EPHA6: variants seen among roughly 807,000 people sequenced by gnomAD.
EPHA6 encodes the protein ephrin type-A receptor 6.
A neutral mutation model predicts 112.0 loss-of-function variants in EPHA6; 50 were observed. The observed-to-expected ratio is 0.45, with a 90% CI of 0.36 to 0.56. The LOEUF (loss-of-function observed/expected upper bound fraction) is 0.56. Among genes scored for constraint, EPHA6 ranks in the 20% least tolerant of loss-of-function variants. The pLI is 0.00. For missense variants in EPHA6, 1,280 were observed against 1,417.4 expected (o/e 0.90, Z 1.56); for synonymous variants, 529 against 490.7 (o/e 1.08, Z -1.03).
intron 2 of EPHA6, among the ~76,000 whole-genome samples, chr3:96,911,853 G>A (rs1559824241): frequency 6.6e-6 from 1 of 151,876 alleles, no homozygotes; most frequent in Non-Finnish European, 1.5e-5. Context: ...TTCAGTATAT[G>A]TATTTAAGTA....
At chr3:97,399,685 T>C (rs1268960525) in intron 5 of EPHA6, among the ~76,000 whole-genome samples, 1 of 151,782 alleles carries the variant, frequency 6.6e-6, no homozygotes, top group Non-Finnish European at 1.5e-5. Flanking sequence ...TGATGATTAG[T>C]GATGATGAGC....
intron 3 of EPHA6, among the ~76,000 whole-genome samples, chr3:97,051,376 T>C (rs2045680257): frequency 6.6e-6 from 1 of 152,100 alleles, no homozygotes; most frequent in Non-Finnish European, 1.5e-5. Flanking sequence ...TTGTGGTGCT[T>C]AAGACTTGAC....
chr3:97,378,159 C>A (rs902599229), intron 5 of EPHA6, among the ~76,000 whole-genome samples: 1 of 152,052 alleles, frequency 6.6e-6, no homozygotes. Flanking sequence ...GACTTGTTGC[C>A]CTGCGTCCCA....
At chr3:97,284,476 C>T (rs764077613) in intron 5 of EPHA6, among the ~76,000 whole-genome samples, 1 of 151,988 alleles carries the variant, frequency 6.6e-6, no homozygotes, top group Non-Finnish European at 1.5e-5. Flanking sequence ...CCTGTGAGTC[C>T]GAGTTTGTGT....
intron 5 of EPHA6, among the ~76,000 whole-genome samples, chr3:97,254,480 G>T (rs568793384): frequency 7.8e-4 from 119 of 152,258 alleles, no homozygotes; most frequent in Admixed American, 1.8e-3. Context: ...GAGCCATTGT[G>T]CCCGGCCTTA....
chr3:97,537,549 A>ATATT (rs1463892732), intron 11 of EPHA6, among the ~76,000 whole-genome samples: 1 of 151,908 alleles, frequency 6.6e-6, no homozygotes, highest in Non-Finnish European at 1.5e-5. Flanking sequence ...CATTCAGCAA[A>ATATT]TATTTATTTA....
chr3:97,664,157 C>T (rs1208266640), intron 14 of EPHA6, among the ~76,000 whole-genome samples: 2 of 152,066 alleles, frequency 1.3e-5, no homozygotes, highest in Non-Finnish European at 2.9e-5. Context: ...CTGTTCATAT[C>T]CTTTGCCCAC....
chr3:97,335,975 A>T (rs537900531), intron 5 of EPHA6, among the ~76,000 whole-genome samples: 1 of 152,098 alleles, frequency 6.6e-6, no homozygotes, highest in Non-Finnish European at 1.5e-5. Context: ...CAGTTTATCA[A>T]TCTGGGTGGT....
At chr3:96,885,171 C>A (rs770574933) in intron 2 of EPHA6, among the ~76,000 whole-genome samples, 1 of 151,968 alleles carries the variant, frequency 6.6e-6, no homozygotes, top group Non-Finnish European at 1.5e-5. Flanking sequence ...TCAAGGATAT[C>A]GGTCTGTAGT....
chr3:97,568,613 A>C (rs1226717114), intron 11 of EPHA6, among the ~76,000 whole-genome samples: 1 of 152,170 alleles, frequency 6.6e-6, no homozygotes, highest in Non-Finnish European at 1.5e-5. Flanking sequence ...CCAGTGGTAA[A>C]CTATTGCCCT....
chr3:97,175,811 T>C (rs1167556745), intron 3 of EPHA6, among the ~76,000 whole-genome samples: 4 of 151,744 alleles, frequency 2.6e-5, no homozygotes, highest in Admixed American at 6.6e-5. Context: ...AGTTTTTATA[T>C]TAGGTTTTTC....
At chr3:97,042,718 T>G (rs1427947677) in intron 3 of EPHA6, among the ~76,000 whole-genome samples, 1 of 152,164 alleles carries the variant, frequency 6.6e-6, no homozygotes, top group Non-Finnish European at 1.5e-5. Flanking sequence ...CAGGAGGGGC[T>G]GTGGACTTTT....
At chr3:97,276,250 T>G (rs2080075503) in intron 5 of EPHA6, among the ~76,000 whole-genome samples, 1 of 152,116 alleles carries the variant, frequency 6.6e-6, no homozygotes, top group Non-Finnish European at 1.5e-5. Context: ...GTCTTCAGCC[T>G]CTAAGTGGAG....
chr3:97,341,059 A>T (rs1247441343), intron 5 of EPHA6, among the ~76,000 whole-genome samples: 1 of 152,218 alleles, frequency 6.6e-6, no homozygotes, highest in Non-Finnish European at 1.5e-5. Context: ...AGGGAAATAA[A>T]ATGGCAACAC....
rs1316672458 is a variant in EPHA6 at position 97,750,003 on chromosome 3, A to G, written c.*1302A>G. 2.0e-5 allele frequency among the ~76,000 whole-genome samples: 3 copies of G among 152,174 alleles called. No individual in the cohort carries two copies. Among genetic ancestry groups the G allele is most frequent in the African/African-American group, 7.2e-5 (3 of 41,442 alleles). On this transcript the variant is annotated 3_prime_UTR_variant, in exon 18 of 18. Coordinates refer to ENST00000389672, the MANE Select transcript of EPHA6 (RefSeq NM_001080448.3). Reference sequence around the variant, plus strand: ...TTGTCATAATCTTCTGAGAGGCTTAAAAAACAAAGGTAAATATATATTTTA... The same window carrying G: ...TTGTCATAATCTTCTGAGAGGCTTAGAAAACAAAGGTAAATATATATTTTA...
intron 14 of EPHA6, among the ~76,000 whole-genome samples, chr3:97,686,984 C>A (rs2032298499): frequency 6.6e-6 from 1 of 152,096 alleles, no homozygotes; most frequent in Admixed American, 6.6e-5. Context: ...TTGTTTACAG[C>A]CAGCTGGTAG....
chr3:97,360,979 A>C (rs1015891299), intron 5 of EPHA6, among the ~76,000 whole-genome samples: 7 of 152,156 alleles, frequency 4.6e-5, no homozygotes, highest in Admixed American at 2.6e-4. Flanking sequence ...GACATTACTC[A>C]GCTCAATTCC....
At chr3:97,052,433 G>C (rs1470538656) in intron 3 of EPHA6, among the ~76,000 whole-genome samples, 1 of 151,640 alleles carries the variant, frequency 6.6e-6, no homozygotes, top group Non-Finnish European at 1.5e-5. Context: ...TTCTTTGTCT[G>C]TCCACATTAC....
chr3:97,542,593 C>A (rs2092877335), intron 11 of EPHA6, among the ~76,000 whole-genome samples: 1 of 152,158 alleles, frequency 6.6e-6, no homozygotes. Context: ...GATTTATAAT[C>A]CTTTGGGTAT....
Sources: gnomAD v4.1 joint callset for allele counts (sites outside exome capture counted in the v4.1 genomes callset) on GRCh38, gnomAD v4.1.1 for gene constraint, MANE v1.5 for transcripts, NCBI Gene and HGNC (gene_info 2026-07-23, HGNC 2026-07-21) for gene names.